PCDHA13: variants seen among roughly 807,000 people sequenced by gnomAD.
PCDHA13 encodes the protein protocadherin alpha-13.
In PCDHA13, 54 loss-of-function variants were observed where a neutral mutation model predicts 64.8. That is an observed-to-expected ratio of 0.83 (90% CI 0.67 to 1.04). The LOEUF is 1.04. PCDHA13 is among the 50% of genes least tolerant of loss of function. The probability of loss-of-function intolerance (pLI) is 0.00; values close to 1 mark genes in which losing one functional copy is unlikely to be tolerated. For missense variants in PCDHA13, 1,248 were observed against 1,254.3 expected (o/e 0.99, Z 0.08); for synonymous variants, 587 against 564.4 (o/e 1.04, Z -0.57).
In PCDHA13 at chr5:140,998,286, A is replaced by G. The variant is rs913397915; in HGVS notation, c.2543-11341A>G. Among the ~76,000 whole-genome samples, 51 of 152,230 alleles carry G rather than the reference A, an allele frequency of 3.4e-4. 1 individual carries two copies. Among genetic ancestry groups the G allele is most frequent in the Non-Finnish European group, 1.5e-5 (1 of 68,044 alleles). On this transcript the variant is annotated intron_variant, in intron 3 of 3. Coordinates refer to ENST00000289272, the MANE Select transcript of PCDHA13 (RefSeq NM_018904.3). ...AAACTGACACCCATAGGATTAAATC[A>G]GATCACACATTTAGTAAGGGCACCA...
intron 1 of PCDHA13, among the ~76,000 whole-genome samples, chr5:140,908,560 C>T (rs1562965261): frequency 6.6e-6 from 1 of 152,198 alleles, no homozygotes; most frequent in Non-Finnish European, 1.5e-5. Context: ...AGGCCAAGAG[C>T]TGTCTCTCAA....
intron 3 of PCDHA13, among the ~76,000 whole-genome samples, chr5:140,998,878 T>C (rs1379445555): frequency 6.6e-6 from 1 of 152,218 alleles, no homozygotes; most frequent in Non-Finnish European, 1.5e-5. Context: ...ATAATAAGTT[T>C]AGTTGAATAA....
intron 1 of PCDHA13, chr5:140,927,414 A>T: frequency 6.2e-7 from 1 of 1,614,114 alleles, no homozygotes; most frequent in South Asian, 1.1e-5. Context: ...TGGACATGGG[A>T]TCGCGGGTTG....
At chr5:140,909,186 A>G (rs552786721) in intron 1 of PCDHA13, among the ~76,000 whole-genome samples, 1 of 152,336 alleles carries the variant, frequency 6.6e-6, no homozygotes, top group Admixed American at 6.5e-5. Context: ...TCCAAACAAG[A>G]TTATGACACA....
intron 1 of PCDHA13, chr5:140,967,193 G>A (rs1190093681): frequency 6.2e-7 from 1 of 1,613,392 alleles, no homozygotes; most frequent in Non-Finnish European, 8.5e-7. Flanking sequence ...GGACATCAAC[G>A]ACAACTCACC....
chr5:140,895,320 T>C (rs561707282), intron 1 of PCDHA13, among the ~76,000 whole-genome samples: 2 of 152,298 alleles, frequency 1.3e-5, no homozygotes, highest in East Asian at 3.9e-4. Flanking sequence ...CCATGACTAT[T>C]GTTCTCAAAT....
intron 1 of PCDHA13, chr5:140,967,711 G>C (rs557842321): frequency 6.2e-7 from 1 of 1,614,168 alleles, no homozygotes; most frequent in East Asian, 2.2e-5. Context: ...CCAGTACCGG[G>C]GAAGTGCGAG....
chr5:140,926,414 A>C, intron 1 of PCDHA13: 1 of 152,834 alleles, frequency 6.5e-6, no homozygotes, highest in Non-Finnish European at 1.5e-5. Context: ...ATCTGCGGGC[A>C]GAGGATGTGG....
chr5:141,002,218 A>T (rs782352324), intron 3 of PCDHA13, among the ~76,000 whole-genome samples: 124 of 152,272 alleles, frequency 8.1e-4, no homozygotes, highest in Admixed American at 3.6e-3. Context: ...AATCAAAATG[A>T]TGGGTTTTCT....
intron 1 of PCDHA13, among the ~76,000 whole-genome samples, chr5:140,955,276 T>A (rs1485560412): frequency 6.6e-6 from 1 of 152,120 alleles, no homozygotes; most frequent in Non-Finnish European, 1.5e-5. Flanking sequence ...TTTGGTTCCA[T>A]ATTGATATGG....
chr5:140,926,953 C>T, intron 1 of PCDHA13: 1 of 1,596,706 alleles, frequency 6.3e-7, no homozygotes, highest in Non-Finnish European at 8.6e-7. Flanking sequence ...TGCAGCGGGA[C>T]AGCTCGAGTA....
intron 1 of PCDHA13, among the ~76,000 whole-genome samples, chr5:140,947,921 C>A (rs1327858146): frequency 6.6e-6 from 1 of 151,536 alleles, no homozygotes; most frequent in African/African-American, 2.4e-5. Context: ...CTTGCCTTAA[C>A]CCTGATCTTA....
Position 140,987,904 on chromosome 5 carries a change from G to T in PCDHA13, c.2542+5341G>T, listed in dbSNP as rs115515462. 1.9e-3 allele frequency among the ~76,000 whole-genome samples: 290 copies of T among 151,852 alleles called. 1 individual carries two copies. The highest frequency in any genetic ancestry group is 7.0e-3 in the African/African-American group (288 of 41,412). On this transcript the variant is annotated intron_variant, in intron 3 of 3. Transcript: ENST00000289272. ...GTTTATGTGCCCTAGTTTTATATGG[G>T]GATTTATATTCTTAATTGTCTCAAG...
rs546789240 is a variant in PCDHA13 at position 140,938,168 on chromosome 5, G to A, written c.2395-40781G>A. Among the ~76,000 whole-genome samples, 6 of 152,184 alleles carry A rather than the reference G, an allele frequency of 3.9e-5. No homozygotes were observed. The South Asian group carries it at 1.2e-3, about 32-fold the overall frequency. Reference sequence around the variant, plus strand: ...ACTACATTGCCCAGGCTAGTCTGGAGCTCCTGGGCTCAAGCAATCCTCCCA... The same window carrying A: ...ACTACATTGCCCAGGCTAGTCTGGAACTCCTGGGCTCAAGCAATCCTCCCA... On this transcript the variant is annotated intron_variant, in intron 1 of 3. Coordinates refer to ENST00000289272, the MANE Select transcript of PCDHA13 (RefSeq NM_018904.3).
chr5:140,944,807 A>G (rs1472832230), intron 1 of PCDHA13, among the ~76,000 whole-genome samples: 1 of 152,214 alleles, frequency 6.6e-6, no homozygotes, highest in Non-Finnish European at 1.5e-5. Context: ...TCGAGGGTCC[A>G]CAGTGATCTT....
chr5:140,934,587 T>C (rs1316719317), intron 1 of PCDHA13, among the ~76,000 whole-genome samples: 1 of 152,176 alleles, frequency 6.6e-6, no homozygotes, highest in Non-Finnish European at 1.5e-5. Flanking sequence ...ATTTCTGTAA[T>C]GGGTCTTCAA....
chr5:140,938,758 A>T (rs2153638695), intron 1 of PCDHA13, among the ~76,000 whole-genome samples: 1 of 152,274 alleles, frequency 6.6e-6, no homozygotes, highest in African/African-American at 2.4e-5. Flanking sequence ...AGGCATAGTT[A>T]TTGGGTACTA....
chr5:141,004,124 C>T (rs1225012224), intron 3 of PCDHA13, among the ~76,000 whole-genome samples: 1 of 152,202 alleles, frequency 6.6e-6, no homozygotes, highest in Non-Finnish European at 1.5e-5. Context: ...GGAGTATCTC[C>T]ATGATTCTGC....
At chr5:140,988,571 C>T (rs1438476188) in intron 3 of PCDHA13, among the ~76,000 whole-genome samples, 7 of 152,168 alleles carry the variant, frequency 4.6e-5, no homozygotes, top group Non-Finnish European at 1.0e-4. Flanking sequence ...TGGGAAAACA[C>T]TCTGTACCTT....
Sources: gnomAD v4.1 joint callset for allele counts (sites outside exome capture counted in the v4.1 genomes callset) on GRCh38, gnomAD v4.1.1 for gene constraint, MANE v1.5 for transcripts, NCBI Gene and HGNC (gene_info 2026-07-23, HGNC 2026-07-21) for gene names.